NRXN1: variants seen among roughly 807,000 people sequenced by gnomAD.
NRXN1 encodes the protein neurexin 1.
In NRXN1, 39 loss-of-function variants were observed where a neutral mutation model predicts 150.9. That is an observed-to-expected ratio of 0.26 (90% CI 0.20 to 0.34). NRXN1 has a LOEUF of 0.34. NRXN1 is among the 10% of genes least tolerant of loss of function. The pLI, the probability that NRXN1 is intolerant of heterozygous loss-of-function variation, is 1.00. For synonymous variants in NRXN1, 924 were observed against 757.0 expected, an observed-to-expected ratio of 1.22 and a Z score of -3.62; for missense variants, 1,815 against 1,949.9, an observed-to-expected ratio of 0.93 and a Z score of 1.30.
At chr2:51,023,775 A>C (rs898968952) in intron 2 of NRXN1, among the ~76,000 whole-genome samples, 3 of 152,348 alleles carry the variant, frequency 2.0e-5, no homozygotes, top group Non-Finnish European at 2.9e-5. Flanking sequence ...TAAACAAATG[A>C]ATGAATGAAC....
intron 17 of NRXN1, among the ~76,000 whole-genome samples, chr2:50,392,051 T>A (rs1026908283): frequency 1.3e-5 from 2 of 152,190 alleles, no homozygotes; most frequent in Admixed American, 1.3e-4. Context: ...TTGCCATCTA[T>A]GATAATCATT....
chr2:50,496,174 G>C, intron 14 of NRXN1, 79 bp from the exon 15 acceptor site: 1 of 1,160,054 alleles, frequency 8.6e-7, no homozygotes. Flanking sequence ...TACAAATGGA[G>C]ATTTTTTTTC....
At chr2:50,393,221 C>CAATTTATT (rs2081852954) in intron 17 of NRXN1, among the ~76,000 whole-genome samples, 1 of 151,470 alleles carries the variant, frequency 6.6e-6, no homozygotes, top group Non-Finnish European at 1.5e-5. Flanking sequence ...TTCTTTGAAA[C>CAATTTATT]AATTTATTTC....
At chr2:50,256,273 C>G (rs1247582640) in intron 17 of NRXN1, among the ~76,000 whole-genome samples, 1 of 152,102 alleles carries the variant, frequency 6.6e-6, no homozygotes. Flanking sequence ...GGTTCACAGA[C>G]CATGTACCAA....
chr2:50,531,191 A>G (rs371672586), intron 11 of NRXN1, 36 bp downstream of exon 11: 4 of 1,556,156 alleles, frequency 2.6e-6, no homozygotes, highest in African/African-American at 1.4e-5. Flanking sequence ...AAAAAGTAAA[A>G]AAGTGTTAGT....
At chr2:50,824,792 C>T (rs1670220524) in intron 5 of NRXN1, among the ~76,000 whole-genome samples, 1 of 152,126 alleles carries the variant, frequency 6.6e-6, no homozygotes, top group Non-Finnish European at 1.5e-5. Context: ...GACTAGCAAG[C>T]ACCACAACCT....
chr2:50,106,735 T>A (rs1701697508), intron 18 of NRXN1, among the ~76,000 whole-genome samples: 1 of 151,954 alleles, frequency 6.6e-6, no homozygotes, highest in Non-Finnish European at 1.5e-5. Context: ...TCACAAGTTA[T>A]TTTATGCAAA....
At chr2:50,937,123 C>T (rs1434490635) in intron 2 of NRXN1, among the ~76,000 whole-genome samples, 1 of 152,066 alleles carries the variant, frequency 6.6e-6, no homozygotes. Flanking sequence ...TCCACAGAGC[C>T]TGGCACACAG....
chr2:50,312,773 CATTT>C (rs1220331180), intron 17 of NRXN1: 1 of 515,582 alleles, frequency 1.9e-6, no homozygotes, highest in Non-Finnish European at 3.9e-6. Context: ...TCAGCTACTT[CATTT>C]ATCACCAGCT....
At chr2:50,283,243 C>T (rs1268878133) in intron 17 of NRXN1, among the ~76,000 whole-genome samples, 2 of 152,110 alleles carry the variant, frequency 1.3e-5, no homozygotes, top group Non-Finnish European at 1.5e-5. Context: ...TTTTGTTTCA[C>T]CTATTCTGTT....
chr2:50,966,922 T>C (rs1239215547), intron 2 of NRXN1, among the ~76,000 whole-genome samples: 9 of 151,908 alleles, frequency 5.9e-5, no homozygotes, highest in Non-Finnish European at 1.2e-4. Context: ...CACTATCAGG[T>C]ATCATTCTCT....
intron 5 of NRXN1, among the ~76,000 whole-genome samples, chr2:50,820,076 A>G (rs1286725676): frequency 6.6e-6 from 1 of 152,062 alleles, no homozygotes; most frequent in African/African-American, 2.4e-5. Context: ...GTTTTTATTA[A>G]TACATTTTTA....
chr2:50,632,069 G>C (rs561519326), intron 5 of NRXN1, among the ~76,000 whole-genome samples: 13 of 151,948 alleles, frequency 8.6e-5, no homozygotes, highest in African/African-American at 3.1e-4. Flanking sequence ...GAGATGTATA[G>C]GTATTTTGTA....
chr2:50,842,498 C>G (rs1485504372), intron 5 of NRXN1, among the ~76,000 whole-genome samples: 1 of 152,076 alleles, frequency 6.6e-6, no homozygotes, highest in Non-Finnish European at 1.5e-5. Context: ...GTTATGGGAT[C>G]CAAGTCAAAA....
intron 17 of NRXN1, among the ~76,000 whole-genome samples, chr2:50,455,503 G>A (rs2087465086): frequency 6.6e-6 from 1 of 152,084 alleles, no homozygotes; most frequent in Non-Finnish European, 1.5e-5. Context: ...ATGCTTCCAG[G>A]TTTTGATTTA....
At chr2:50,403,897 A>G (rs891024726) in intron 17 of NRXN1, among the ~76,000 whole-genome samples, 4 of 152,032 alleles carry the variant, frequency 2.6e-5, no homozygotes, top group Admixed American at 2.6e-4. Flanking sequence ...CATTTACCCA[A>G]TCTTTTGTCA....
In NRXN1 at chr2:50,719,759, G is replaced by C. The variant is rs552934099; in HGVS notation, c.833-96144C>G. Among the ~76,000 whole-genome samples the C allele has an allele frequency of 8.5e-5, 13 of 152,242 alleles. 1 individual carries two copies. The South Asian group carries it at 2.7e-3, about 32-fold the overall frequency. On this transcript the variant is annotated intron_variant, in intron 5 of 22. Transcript: ENST00000401669. ...CTTGATTGGGATTATTAGCATAAAA[G>C]TATCTGAGAAATTGCACATAACTCA...
At chr2:50,951,960 T>TAC (rs747099808) in intron 2 of NRXN1, among the ~76,000 whole-genome samples, 4 of 97,138 alleles carry the variant, frequency 4.1e-5, no homozygotes, top group African/African-American at 1.7e-4. Flanking sequence ...TATATATATA[T>TAC]ATATTTTTTT....
At chr2:50,530,631 T>C (rs1174180568) in intron 11 of NRXN1, among the ~76,000 whole-genome samples, 1 of 152,166 alleles carries the variant, frequency 6.6e-6, no homozygotes, top group Non-Finnish European at 1.5e-5. Flanking sequence ...TCTAGTGTTC[T>C]CATGGCTGTT....
Sources: allele counts gnomAD v4.1 joint callset (sites outside exome capture counted in the v4.1 genomes callset), GRCh38; gene constraint gnomAD v4.1.1; transcripts MANE v1.5; gene names NCBI Gene and HGNC (gene_info 2026-07-23, HGNC 2026-07-21).